The following ANKS1B variants were observed in gnomAD, a reference collection of about 807,000 sequenced individuals.
ANKS1B encodes the protein ankyrin repeat and sterile alpha motif domain containing 1B.
ANKS1B carries 36 observed loss-of-function variants against 148.3 expected under a neutral mutation model. The observed-to-expected ratio is 0.24, with a 90% CI of 0.19 to 0.32. The LOEUF (loss-of-function observed/expected upper bound fraction) is 0.32. ANKS1B is among the 10% of genes least tolerant of loss of function. The pLI is 1.00. For missense variants in ANKS1B, 1,157 were observed against 1,542.6 expected (o/e 0.75, Z 4.19); for synonymous variants, 542 against 560.8 (o/e 0.97, Z 0.47).
chr12:99,287,076 G>T (rs972271044), intron 12 of ANKS1B, among the ~76,000 whole-genome samples: 1 of 150,992 alleles, frequency 6.6e-6, no homozygotes, highest in Non-Finnish European at 1.5e-5. Flanking sequence ...CCAGGCAGTG[G>T]ACACCTCAGG....
chr12:99,503,917 T>C lies in ANKS1B; in HGVS notation c.1438+559A>G, dbSNP rs1000366726. On this transcript the variant is annotated intron_variant, in intron 10 of 26. Coordinates refer to ENST00000683438, the MANE Select transcript of ANKS1B (RefSeq NM_001352186.2). ...TTAAAGTAATAGAAAGAAACTATAA[T>C]GGTAGTCAAAAATCCATGTTCAAGC... 6.6e-5 allele frequency among the ~76,000 whole-genome samples: 10 copies of C among 152,170 alleles called. No individual in the cohort carries two copies. In the East Asian group the frequency reaches 1.2e-3, roughly 18 times the overall value.
intron 17 of ANKS1B, among the ~76,000 whole-genome samples, chr12:98,953,598 C>T (rs2099857705): frequency 7.8e-6 from 1 of 127,728 alleles, no homozygotes; most frequent in Admixed American, 8.9e-5. Context: ...TAGAGCCCTC[C>T]ACCTCATGCA....
chr12:99,322,704 A>G (rs2085525233), intron 12 of ANKS1B, among the ~76,000 whole-genome samples: 1 of 151,942 alleles, frequency 6.6e-6, no homozygotes, highest in Non-Finnish European at 1.5e-5. Context: ...CACTTTTCAT[A>G]TTTGCCTTTC....
intron 17 of ANKS1B, among the ~76,000 whole-genome samples, chr12:99,001,766 T>A (rs2099933159): frequency 6.6e-6 from 1 of 152,224 alleles, no homozygotes; most frequent in Admixed American, 6.5e-5. Flanking sequence ...ACTTAATTCA[T>A]CTTACAACAG....
At chr12:99,859,804 G>A (rs1053715270) in intron 1 of ANKS1B, among the ~76,000 whole-genome samples, 3 of 151,966 alleles carry the variant, frequency 2.0e-5, no homozygotes, top group East Asian at 3.9e-4. Flanking sequence ...CTGCCACCAC[G>A]CCTGGCTAAT....
At chr12:99,239,199 T>C (rs2088699976) in intron 14 of ANKS1B, among the ~76,000 whole-genome samples, 1 of 152,082 alleles carries the variant, frequency 6.6e-6, no homozygotes, top group Non-Finnish European at 1.5e-5. Context: ...CTAACTAGAA[T>C]AAACGGTGTA....
At chr12:99,011,036 G>A (rs913216537) in intron 17 of ANKS1B, among the ~76,000 whole-genome samples, 15 of 150,750 alleles carry the variant, frequency 1.0e-4, no homozygotes, top group African/African-American at 3.7e-4. Context: ...AGCATCAAAT[G>A]TTTACAGTAG....
chr12:99,077,114 A>G (rs1468880538), intron 16 of ANKS1B, among the ~76,000 whole-genome samples: 2 of 152,194 alleles, frequency 1.3e-5, no homozygotes, highest in Non-Finnish European at 1.5e-5. Flanking sequence ...GGAGCTTGTA[A>G]GAACCCTGGG....
In ANKS1B at chr12:99,750,069, G is replaced by A. The variant is rs1047994076; in HGVS notation, c.1128+22853C>T. Among the ~76,000 whole-genome samples the A allele has an allele frequency of 1.3e-4, 20 of 151,954 alleles. 1 individual carries two copies. The highest frequency in any genetic ancestry group is 3.3e-4 in the Admixed American group (5 of 15,198). On this transcript the variant is annotated intron_variant, in intron 8 of 26. Transcript: ENST00000683438. ...ACATTCTATCTCACAGTTGAATTTT[G>A]TAATCACAAAAAGAACAAGATCTCA...
At chr12:98,809,462 TAGTGCTAGA>T (rs916604598) in intron 19 of ANKS1B, among the ~76,000 whole-genome samples, 2 of 152,052 alleles carry the variant, frequency 1.3e-5, no homozygotes, top group African/African-American at 4.8e-5. Context: ...AGTGTTAATC[TAGTGCTAGA>T]AGTGCTTCTA....
intron 15 of ANKS1B, among the ~76,000 whole-genome samples, chr12:99,140,963 T>C (rs2153795610): frequency 6.6e-6 from 1 of 152,302 alleles, no homozygotes; most frequent in Non-Finnish European, 1.5e-5. Context: ...TTCCATATTC[T>C]CAATGCCTCA....
At chr12:99,496,216 C>T (rs745411300) in intron 10 of ANKS1B, among the ~76,000 whole-genome samples, 2 of 152,034 alleles carry the variant, frequency 1.3e-5, no homozygotes, top group Non-Finnish European at 2.9e-5. Context: ...ATAACGGTTG[C>T]CTAGTTACCT....
intron 21 of ANKS1B, 43 bp downstream of exon 21, chr12:98,800,954 C>G: frequency 1.3e-6 from 2 of 1,591,098 alleles, no homozygotes; most frequent in Non-Finnish European, 1.7e-6. Context: ...AACATACCCC[C>G]TATCTCCACT....
intron 10 of ANKS1B, among the ~76,000 whole-genome samples, chr12:99,478,430 T>G (rs1035621093): frequency 6.6e-6 from 1 of 152,072 alleles, no homozygotes; most frequent in African/African-American, 2.4e-5. Context: ...ACATTTAGTT[T>G]GGGTTTAGTA....
At chr12:99,315,044 A>G (rs940402699) in intron 12 of ANKS1B, among the ~76,000 whole-genome samples, 4 of 151,874 alleles carry the variant, frequency 2.6e-5, no homozygotes, top group Non-Finnish European at 5.9e-5. Context: ...AGAGATCAAG[A>G]CCATCCTGGC....
At chr12:99,482,722 C>T (rs2096431813) in intron 10 of ANKS1B, among the ~76,000 whole-genome samples, 1 of 151,912 alleles carries the variant, frequency 6.6e-6, no homozygotes, top group African/African-American at 2.4e-5. Context: ...AGAGATCTTT[C>T]ACCTTCTTGG....
chr12:99,091,632 G>C (rs987423763), intron 15 of ANKS1B, among the ~76,000 whole-genome samples: 1 of 152,128 alleles, frequency 6.6e-6, no homozygotes, highest in African/African-American at 2.4e-5. Context: ...CTTCTCTCCA[G>C]ATGCATATAT....
At chr12:99,869,636 G>A (rs1351389687) in intron 1 of ANKS1B, among the ~76,000 whole-genome samples, 5 of 151,432 alleles carry the variant, frequency 3.3e-5, no homozygotes, top group East Asian at 1.9e-4. Flanking sequence ...GGCCAAGATC[G>A]CGCCATTGCA....
intron 4 of ANKS1B, among the ~76,000 whole-genome samples, chr12:99,792,616 T>C (rs2065795039): frequency 6.6e-6 from 1 of 151,850 alleles, no homozygotes; most frequent in African/African-American, 2.4e-5. Flanking sequence ...AAAAACATTA[T>C]CATTTTGACT....
Sources: gnomAD v4.1 joint callset for allele counts (sites outside exome capture counted in the v4.1 genomes callset) on GRCh38, gnomAD v4.1.1 for gene constraint, MANE v1.5 for transcripts, NCBI Gene and HGNC (gene_info 2026-07-23, HGNC 2026-07-21) for gene names.